Variants in IL34 observed in about 807,000 individuals in gnomAD.
IL34 encodes interleukin 34.
IL34 carries 17 observed loss-of-function variants against 25.3 expected under a neutral mutation model. That is an observed-to-expected ratio of 0.67 (90% CI 0.46 to 1.01). The LOEUF is 1.01. IL34 is among the 50% of genes least tolerant of loss of function. The pLI is 0.00. For synonymous variants in IL34, 174 were observed against 140.9 expected, an observed-to-expected ratio of 1.23 and a Z score of -1.66; for missense variants, 368 against 312.9, an observed-to-expected ratio of 1.18 and a Z score of -1.33.
chr16:70,624,837 G>T (rs1012584331), intron 1 of IL34, among the ~76,000 whole-genome samples: 6 of 151,284 alleles, frequency 4.0e-5, no homozygotes, highest in Admixed American at 1.3e-4. Flanking sequence ...GGAGAGGAGG[G>T]GAGAGGTCAG....
chr16:70,647,146 C>T (rs2051956569), intron 1 of IL34, among the ~76,000 whole-genome samples, 171 bp downstream of exon 1: 1 of 152,264 alleles, frequency 6.6e-6, no homozygotes, highest in South Asian at 2.1e-4. Flanking sequence ...GCCCTGTCTG[C>T]CGCTCACTTC....
At chr16:70,599,282 T>TTTCTTTCTTTCTTCTTTCTTTCC (rs2050871961) in intron 1 of IL34, among the ~76,000 whole-genome samples, 1 of 118,182 alleles carries the variant, frequency 8.5e-6, no homozygotes, top group African/African-American at 3.5e-5. Flanking sequence ...TCTTTCTTTC[T>TTTCTTTCTTTCTTCTTTCTTTCC]TTCTTTCTTT....
chr16:70,580,191 C>T (rs1181292253), intron 1 of IL34: 1 of 152,252 alleles, frequency 6.6e-6, no homozygotes, highest in African/African-American at 2.4e-5. Context: ...CAGTCCCAGC[C>T]AAGATGCTCT....
upstream of IL34, among the ~76,000 whole-genome samples, chr16:70,644,695 T>TGAG (rs544040162): frequency 4.0e-5 from 3 of 75,244 alleles, no homozygotes; most frequent in East Asian, 3.8e-4. Context: ...ATTGCCAGGG[T>TGAG]GAGGAGGAGG....
At chr16:70,658,380 C>T (rs993684285) in intron 4 of IL34, among the ~76,000 whole-genome samples, 1 of 152,202 alleles carries the variant, frequency 6.6e-6, no homozygotes, top group African/African-American at 2.4e-5. Flanking sequence ...CTATGTTGCC[C>T]AGGCTGGTCT....
chr16:70,603,373 G>A (rs796080745), intron 1 of IL34, among the ~76,000 whole-genome samples: 5 of 152,050 alleles, frequency 3.3e-5, no homozygotes, highest in Admixed American at 1.3e-4. Flanking sequence ...TCCACCTCTC[G>A]GATTCAAGCG....
intron 2 of IL34, 116 bp downstream of exon 2, chr16:70,654,787 G>A: frequency 7.6e-7 from 1 of 1,319,732 alleles, no homozygotes. Context: ...AGCCGACCAT[G>A]GCCTGTTTCT....
intron 1 of IL34, among the ~76,000 whole-genome samples, chr16:70,637,322 A>G (rs1481550459): frequency 6.6e-6 from 1 of 152,080 alleles, no homozygotes; most frequent in African/African-American, 2.4e-5. Flanking sequence ...TTTAGGTTTT[A>G]CAATTAATTC....
upstream of IL34, among the ~76,000 whole-genome samples, chr16:70,642,244 G>C (rs1011425570): frequency 1.3e-5 from 2 of 150,598 alleles, no homozygotes; most frequent in Non-Finnish European, 3.0e-5. Context: ...AAGAGACAGA[G>C]AGAGAGAGAG....
intron 1 of IL34, among the ~76,000 whole-genome samples, chr16:70,595,559 C>G (rs1205725588): frequency 2.0e-5 from 3 of 152,026 alleles, no homozygotes; most frequent in Non-Finnish European, 4.4e-5. Context: ...CTCATGTGAT[C>G]CTCCCACTTC....
intron 1 of IL34, among the ~76,000 whole-genome samples, chr16:70,634,231 A>T (rs1244606431): frequency 1.3e-5 from 2 of 152,136 alleles, no homozygotes; most frequent in African/African-American, 2.4e-5. Context: ...TTGACTAATG[A>T]TGTATGCAAA....
At chr16:70,593,758 C>T (rs144348524) in intron 1 of IL34, among the ~76,000 whole-genome samples, 1 of 152,100 alleles carries the variant, frequency 6.6e-6, no homozygotes, top group African/African-American at 2.4e-5. Context: ...GACTCCTGCC[C>T]TCAAGCAATC....
At chr16:70,610,823 G>A (rs1250062536) in intron 1 of IL34, among the ~76,000 whole-genome samples, 1 of 152,216 alleles carries the variant, frequency 6.6e-6, no homozygotes, top group African/African-American at 2.4e-5. Context: ...GGAGGAAGGA[G>A]GGGCCCCCTC....
At chr16:70,647,002 C>T in intron 1 of IL34, 27 bp downstream of exon 1, 3 of 1,445,004 alleles carry the variant, frequency 2.1e-6, no homozygotes, top group Non-Finnish European at 2.7e-6. Context: ...CCCTAGGGAC[C>T]TGCATTGGGA....
chr16:70,645,417 C>A (rs746978008), upstream of IL34, among the ~76,000 whole-genome samples: 7 of 152,152 alleles, frequency 4.6e-5, no homozygotes, highest in Non-Finnish European at 1.0e-4. Flanking sequence ...ACTCTGTAGC[C>A]ATTTTCCCCC....
intron 1 of IL34, among the ~76,000 whole-genome samples, chr16:70,648,187 G>A (rs1439948097): frequency 6.6e-6 from 1 of 152,210 alleles, no homozygotes; most frequent in Non-Finnish European, 1.5e-5. Flanking sequence ...CAGTCTGGTG[G>A]TGTTTGTAGG....
chr16:70,638,212 C>T (rs2051698895), intron 1 of IL34, among the ~76,000 whole-genome samples: 2 of 152,074 alleles, frequency 1.3e-5, no homozygotes, highest in African/African-American at 4.8e-5. Flanking sequence ...CGCGATGGCT[C>T]ATGCCTGTAA....
At chr16:70,615,967 T>C (rs2051166805) in intron 1 of IL34, among the ~76,000 whole-genome samples, 2 of 151,858 alleles carry the variant, frequency 1.3e-5, no homozygotes, top group South Asian at 4.2e-4. Context: ...AAAAAATCCG[T>C]CCCCCCTCAA....
chr16:70,643,505 G>A (rs2051835628), upstream of IL34, among the ~76,000 whole-genome samples: 1 of 152,178 alleles, frequency 6.6e-6, no homozygotes, highest in African/African-American at 2.4e-5. Flanking sequence ...CAAGTAGCTG[G>A]GACCACAGGC....
Sources: allele counts gnomAD v4.1 joint callset (sites outside exome capture counted in the v4.1 genomes callset), GRCh38; gene constraint gnomAD v4.1.1; transcripts MANE v1.5; gene names NCBI Gene and HGNC (gene_info 2026-07-23, HGNC 2026-07-21).